The following GSS variants were observed in gnomAD, a reference collection of about 807,000 sequenced individuals.
The protein encoded by GSS is glutathione synthetase, also known as GSH synthetase.
A neutral mutation model predicts 60.4 loss-of-function variants in GSS; 34 were observed. The ratio of observed to expected loss-of-function variants is 0.56; its 90% confidence interval spans 0.43 to 0.75. GSS has a LOEUF of 0.75. Ranked by LOEUF, GSS falls within the 30% of genes least tolerant of loss-of-function variation. The pLI is 0.00. For synonymous variants in GSS, 224 were observed against 239.0 expected (o/e 0.94, Z 0.58); for missense variants, 499 against 595.1 (o/e 0.84, Z 1.68).
chr20:34,932,624 A>G (rs989622463), intron 9 of GSS, among the ~76,000 whole-genome samples: 2 of 152,106 alleles, frequency 1.3e-5, no homozygotes, highest in African/African-American at 4.8e-5. Context: ...TTTCCCATGC[A>G]TAGCTGGATC....
intron 10 of GSS, 62 bp from the exon 11 acceptor site, chr20:34,931,479 T>C: frequency 2.3e-6 from 3 of 1,320,678 alleles, no homozygotes; most frequent in Non-Finnish European, 3.3e-6. Context: ...GAAGCTTAGG[T>C]CCAGCTGGTT....
chr20:34,953,254 A>G (rs2081583026), intron 1 of GSS, among the ~76,000 whole-genome samples: 1 of 152,170 alleles, frequency 6.6e-6, no homozygotes, highest in Non-Finnish European at 1.5e-5. Context: ...GAAGGGAGTT[A>G]GAGAATAATA....
chr20:34,936,715 G>A (rs779489638), intron 8 of GSS, 48 bp downstream of exon 8: 19 of 1,253,040 alleles, frequency 1.5e-5, no homozygotes, highest in Non-Finnish European at 1.9e-5. Flanking sequence ...AGGGTGGCAG[G>A]ATGAGTTTCA....
rs749301244 is a variant in GSS, at chr20:34,941,724, G to A, written c.597C>T (p.Tyr199=). Residue 199 remains tyrosine, a synonymous_variant, in exon 6 of 13, where the codon TAC becomes TAT. Coordinates refer to ENST00000651619, the MANE Select transcript of GSS (RefSeq NM_000178.4). ...ALGIAKAWEL[Y]GSPNALVLLI... is the part of the protein sequence containing the mutation. ...TTTCACACCCTTACTTGGGTGAGCCGTAGAGCTCCCAGGCTTTGGCAATTC... is the reference window on the plus strand; with the variant it reads ...TTTCACACCCTTACTTGGGTGAGCCATAGAGCTCCCAGGCTTTGGCAATTC... 9.5e-6 allele frequency: 15 copies of A among 1,585,792 alleles called. No homozygotes were observed. The highest frequency in any genetic ancestry group is 4.5e-5 in the East Asian group (2 of 44,764).
chr20:34,951,974 G>C, intron 1 of GSS, 114 bp from the exon 2 acceptor site: 1 of 1,039,904 alleles, frequency 9.6e-7, no homozygotes, highest in Non-Finnish European at 1.5e-6. Flanking sequence ...TGTTGGAAGG[G>C]AACAGCGTGG....
intron 11 of GSS, 40 bp downstream of exon 11, chr20:34,931,296 C>T (rs2081398860): frequency 6.8e-7 from 1 of 1,468,224 alleles, no homozygotes; most frequent in Admixed American, 1.7e-5. Context: ...GCCTGCTAGT[C>T]CCTCTCATTG....
intron 8 of GSS, among the ~76,000 whole-genome samples, chr20:34,936,060 G>A (rs2081438651): frequency 6.6e-6 from 1 of 152,190 alleles, no homozygotes; most frequent in Non-Finnish European, 1.5e-5. Context: ...TAATGGCAGG[G>A]GTGAAGGTGA....
chr20:34,947,648 C>T (rs2081533165), intron 2 of GSS, among the ~76,000 whole-genome samples: 1 of 152,056 alleles, frequency 6.6e-6, no homozygotes, highest in Non-Finnish European at 1.5e-5. Context: ...AACTATACTA[C>T]ATTGTGCTTT....
chr20:34,949,328 A>G (rs2081547933), intron 2 of GSS: 1 of 152,162 alleles, frequency 6.6e-6, no homozygotes, highest in Non-Finnish European at 1.5e-5. Flanking sequence ...TCCTCCACCC[A>G]GTAGCTAAGG....
At chr20:34,954,552 CAAA>C (rs764125581) in intron 1 of GSS, 4 of 96,552 alleles carry the variant, frequency 4.1e-5, no homozygotes, top group Non-Finnish European at 4.5e-5. Context: ...AAAGCTCTGT[CAAA>C]AAAAAAAAAA....
intron 2 of GSS, among the ~76,000 whole-genome samples, chr20:34,949,118 G>C (rs1390859644): frequency 6.6e-6 from 1 of 152,090 alleles, no homozygotes; most frequent in African/African-American, 2.4e-5. Flanking sequence ...GCTTGCCCCT[G>C]GTCAGGGAAA....
chr20:34,929,589 A>G lies in GSS; in HGVS notation c.1113T>C (p.Gly371=). 6.2e-7 allele frequency: 1 copy of G among 1,613,540 alleles called. No homozygotes were observed. Among genetic ancestry groups the G allele is most frequent in the African/African-American group, 1.3e-5 (1 of 74,958 alleles). ...CCATTTCCTCCCCATATAGGTTGTT[A>G]CCTGCAATGAAACTGGCCAGTCACC... ...FVLKPQREGG[G]NNLYGEEMVQ... Residue 371 remains glycine (G), a splice_region_variant and synonymous_variant, in exon 12 of 13, where the codon GGT becomes GGC. Transcript: ENST00000651619.
rs552937290 is a variant in GSS, at chr20:34,947,596, A to T, written c.130-1498T>A. ...TCCAGTCATCTTTGTATTGATATAT[A>T]TGTATACACATATATTTTCTCTTTT... On this transcript the variant is annotated intron_variant, in intron 2 of 12. Transcript: ENST00000651619. Among the ~76,000 whole-genome samples the T allele has an allele frequency of 1.7e-4, 26 of 152,270 alleles. No homozygotes were observed. In the East Asian group the frequency reaches 5.0e-3, roughly 29 times the overall value.
At chr20:34,946,297 G>A (rs6060122) in intron 2 of GSS, among the ~76,000 whole-genome samples, 199 bp from the exon 3 acceptor site, 12 of 152,238 alleles carry the variant, frequency 7.9e-5, no homozygotes, top group African/African-American at 2.4e-4. Flanking sequence ...TTATCTCTAC[G>A]TATTGAAGAG....
intron 6 of GSS, among the ~76,000 whole-genome samples, chr20:34,938,924 C>T (rs34606182): frequency 4.3e-4 from 66 of 152,090 alleles, no homozygotes; most frequent in African/African-American, 1.6e-3. Context: ...GTTCCTTGGG[C>T]CCTGGTTTTC....
chr20:34,935,505 C>A (rs1333795020), intron 9 of GSS, 71 bp downstream of exon 9: 1 of 1,030,852 alleles, frequency 9.7e-7, no homozygotes, highest in South Asian at 1.3e-5. Context: ...TTGTTATAAG[C>A]CTGAATTGGG....
intron 9 of GSS, among the ~76,000 whole-genome samples, chr20:34,932,824 A>AT (rs201921767): frequency 4.3e-4 from 65 of 150,984 alleles, no homozygotes; most frequent in South Asian, 2.9e-3. Flanking sequence ...ACAAATCCCA[A>AT]TTTTTTTTTC....
In GSS at chr20:34,937,039, A is replaced by C. The variant is rs1000890314; in HGVS notation, c.609-16T>G. ...CACCAGAGCACTGGGGAAAGAGCAC[A>C]GGTGGCCCGAGGCTACTATAGAACT... On this transcript the variant is annotated splice_polypyrimidine_tract_variant and intron_variant, in intron 6 of 12. Transcript: ENST00000651619. The C allele has an allele frequency of 3.2e-6, 5 of 1,585,476 alleles. No individual in the cohort carries two copies. Among genetic ancestry groups the C allele is most frequent in the Non-Finnish European group, 4.3e-6 (5 of 1,154,570 alleles).
At chr20:34,945,455 C>T (rs1600388189) in intron 3 of GSS, among the ~76,000 whole-genome samples, 1 of 151,304 alleles carries the variant, frequency 6.6e-6, no homozygotes, top group African/African-American at 2.4e-5. Flanking sequence ...AGGTTGCTTC[C>T]TCATGCCCTG....
Sources: allele counts gnomAD v4.1 joint callset (sites outside exome capture counted in the v4.1 genomes callset), GRCh38; gene constraint gnomAD v4.1.1; transcripts MANE v1.5; gene names NCBI Gene and HGNC (gene_info 2026-07-23, HGNC 2026-07-21).